TCERG1: variants seen among roughly 807,000 people sequenced by gnomAD.
TCERG1 encodes the protein TATA box binding protein (TBP)-associated factor, RNA polymerase II, S, 150kD.
A neutral mutation model predicts 144.7 loss-of-function variants in TCERG1; 37 were observed. That is an observed-to-expected ratio of 0.26 (90% CI 0.20 to 0.34). TCERG1 has a LOEUF of 0.34. Ranked by LOEUF, TCERG1 falls within the 10% of genes least tolerant of loss-of-function variation. The pLI is 1.00. For synonymous variants in TCERG1, 492 were observed against 458.2 expected, an observed-to-expected ratio of 1.07 and a Z score of -0.94; for missense variants, 1,027 against 1,380.7, an observed-to-expected ratio of 0.74 and a Z score of 4.06.
chr5:146,509,335 T>G (rs1401706585), intron 22 of TCERG1, 90 bp downstream of exon 22: 2 of 854,024 alleles, frequency 2.3e-6, no homozygotes, highest in Non-Finnish European at 3.7e-6. Context: ...TTCACACACA[T>G]GTTGACATTA....
chr5:146,484,619 A>G (rs1561678748), intron 15 of TCERG1, among the ~76,000 whole-genome samples: 1 of 152,210 alleles, frequency 6.6e-6, no homozygotes, highest in African/African-American at 2.4e-5. Flanking sequence ...TAACTTCCTT[A>G]ATGTATTTGC....
chr5:146,465,117 G>A (rs990540183), intron 5 of TCERG1, among the ~76,000 whole-genome samples: 5 of 152,098 alleles, frequency 3.3e-5, no homozygotes, highest in African/African-American at 1.2e-4. Context: ...ACAAGCAGCT[G>A]GATACTTTTC....
chr5:146,459,057 G>C lies in TCERG1; in HGVS notation c.612G>C (p.Gln204His). ...QAQAQAQAQAQAQAQAQAQAQ... is the reference protein window; with the variant it reads ...QAQAQAQAQAHAQAQAQAQAQ... Reference sequence around the variant, plus strand: ...AGGCTCAGGCCCAGGCACAAGCTCAGGCCCAGGCTCAGGCTCAGGCCCAGG... The same window carrying C: ...AGGCTCAGGCCCAGGCACAAGCTCACGCCCAGGCTCAGGCTCAGGCCCAGG... Residue 204 changes from glutamine to histidine, a missense_variant, in exon 4 of 23, where the codon CAG (glutamine) becomes CAC (histidine). Gln to His is a conservative substitution (Grantham distance 24). Around this residue, in one of 6 missense-constraint regions of TCERG1, gnomAD observed 48 missense variants for 80.9 expected, o/e 0.59. Transcript: ENST00000679501. 5 of 1,598,320 alleles carry C rather than the reference G, an allele frequency of 3.1e-6. No homozygotes were observed. Among genetic ancestry groups the C allele is most frequent in the Non-Finnish European group, 4.3e-6 (5 of 1,168,326 alleles).
chr5:146,458,710 T>C (rs9763609), intron 3 of TCERG1, among the ~76,000 whole-genome samples, 174 bp from the exon 4 acceptor site: 37,243 of 150,840 alleles, frequency 0.25, 5,670 homozygotes, highest in East Asian at 0.83. Context: ...AACTCCTGAC[T>C]TTAAGTGATC....
Position 146,471,595 on chromosome 5 carries a change from T to A in TCERG1, c.1601+19T>A. 6.3e-7 allele frequency: 1 copy of A among 1,592,958 alleles called. No homozygotes were observed. Among genetic ancestry groups the A allele is most frequent in the Non-Finnish European group, 8.5e-7 (1 of 1,171,930 alleles). On this transcript the variant is annotated intron_variant, in intron 9 of 22. Transcript: ENST00000679501. ...CTCCATGGTATGTATTTGGCTCAAG[T>A]AGTAATTTTTTTTTTTTTTTTGAGA...
At chr5:146,448,757 G>A (rs1016265914) in intron 1 of TCERG1, among the ~76,000 whole-genome samples, 3 of 152,138 alleles carry the variant, frequency 2.0e-5, no homozygotes, top group African/African-American at 7.2e-5. Context: ...AACTCCATAT[G>A]TATACAGTAT....
intron 21 of TCERG1, among the ~76,000 whole-genome samples, chr5:146,508,935 C>T (rs1252695020): frequency 6.6e-6 from 1 of 152,172 alleles, no homozygotes; most frequent in Non-Finnish European, 1.5e-5. Flanking sequence ...TATGATTCCT[C>T]ATTCTTTCTA....
chr5:146,454,966 C>A, intron 1 of TCERG1, 90 bp from the exon 2 acceptor site: 1 of 1,395,610 alleles, frequency 7.2e-7, no homozygotes, highest in Non-Finnish European at 9.8e-7. Context: ...ACTTAAGAAC[C>A]TTTTAAATTT....
chr5:146,469,842 G>A, intron 7 of TCERG1, 98 bp downstream of exon 7: 2 of 898,090 alleles, frequency 2.2e-6, no homozygotes, highest in Admixed American at 3.2e-5. Context: ...CATATTTGAG[G>A]GATTTTCTAA....
At chr5:146,468,979 T>G (rs1402125723) in intron 6 of TCERG1, among the ~76,000 whole-genome samples, 1 of 152,068 alleles carries the variant, frequency 6.6e-6, no homozygotes, top group Non-Finnish European at 1.5e-5. Context: ...AATATAAATC[T>G]TGGTTTGTCT....
At chr5:146,480,976 T>A (rs2033472) in intron 12 of TCERG1, among the ~76,000 whole-genome samples, 174 bp from the exon 13 acceptor site, 128,751 of 148,380 alleles carry the variant, frequency 0.87, 55,725 homozygotes, top group East Asian at 0.99. Flanking sequence ...GCTTTTTTTT[T>A]AAAAAAAAAA....
chr5:146,510,477 G>C lies in TCERG1; in HGVS notation c.3183G>C (p.Leu1061=). 6.2e-7 allele frequency: 1 copy of C among 1,614,026 alleles called. No individual in the cohort carries two copies. The change falls in exon 23 of 23, where the codon CTG becomes CTC. Residue 1061 remains leucine, a synonymous_variant. Coordinates refer to ENST00000679501, the MANE Select transcript of TCERG1 (RefSeq NM_001382548.1). ...KKLIQESDQH[L]KDVEKILQND... ...TAATCCAAGAATCAGATCAGCACCT[G>C]AAAGATGTAGAAAAAATTTTACAGA...
At chr5:146,462,318 C>T (rs544643102) in intron 4 of TCERG1, among the ~76,000 whole-genome samples, 3 of 152,004 alleles carry the variant, frequency 2.0e-5, no homozygotes, top group East Asian at 3.9e-4. Context: ...ATTCTTAGTC[C>T]GATACAGGTA....
At chr5:146,451,927 A>G (rs4476778) in intron 1 of TCERG1, among the ~76,000 whole-genome samples, 8,842 of 151,750 alleles carry the variant, frequency 0.058, 303 homozygotes, top group Middle Eastern at 0.11. Flanking sequence ...AGCTGGGGCT[A>G]CAGGCATGCA....
intron 16 of TCERG1, among the ~76,000 whole-genome samples, chr5:146,498,158 G>C (rs1246719363): frequency 6.6e-6 from 1 of 152,066 alleles, no homozygotes; most frequent in African/African-American, 2.4e-5. Context: ...TTTTATAGTT[G>C]TGTATGGAGA....
In TCERG1 at chr5:146,456,316, A is replaced by G. The variant is rs142046435; in HGVS notation, c.286-867A>G. On this transcript the variant is annotated intron_variant, in intron 2 of 22. Transcript: ENST00000679501. ...ATAATCTTTAACGTGAATTTGTTCT[A>G]ATTTGTGACTTTAAGAGTTAAACCT... Among the ~76,000 whole-genome samples the G allele has an allele frequency of 2.9e-3, 440 of 152,320 alleles. 3 individuals carry two copies. The highest frequency in any genetic ancestry group is 0.01 in the African/African-American group (430 of 41,578).
intron 22 of TCERG1, 146 bp downstream of exon 22, chr5:146,509,391 A>G: frequency 1.9e-6 from 1 of 522,998 alleles, no homozygotes. Flanking sequence ...CCAAAGTCAA[A>G]TACAGCCCAT....
intron 15 of TCERG1, among the ~76,000 whole-genome samples, chr5:146,490,859 T>C (rs185053050): frequency 1.3e-5 from 2 of 152,262 alleles, no homozygotes; most frequent in African/African-American, 4.8e-5. Flanking sequence ...TTGGATAATT[T>C]CCTTGCCTTT....
intron 1 of TCERG1, among the ~76,000 whole-genome samples, chr5:146,448,948 A>G (rs910372888): frequency 6.6e-6 from 1 of 152,224 alleles, no homozygotes; most frequent in African/African-American, 2.4e-5. Context: ...TGGCTTTATT[A>G]ATAGTCTAGA....
Sources: gnomAD v4.1 joint callset for allele counts (sites outside exome capture counted in the v4.1 genomes callset) on GRCh38, gnomAD v4.1.1 for gene constraint, gnomAD v4.1.1 regional missense constraint, MANE v1.5 for transcripts, NCBI Gene and HGNC (gene_info 2026-07-23, HGNC 2026-07-21) for gene names.